The following EIF2B3 variants were observed in gnomAD, a reference collection of about 807,000 sequenced individuals.
EIF2B3 encodes eukaryotic translation initiation factor 2B subunit gamma.
A neutral mutation model predicts 54.1 loss-of-function variants in EIF2B3; 20 were observed. The ratio of observed to expected loss-of-function variants is 0.37; its 90% CI spans 0.26 to 0.54. EIF2B3 has a LOEUF of 0.54. Ranked by LOEUF, EIF2B3 falls within the 20% of genes least tolerant of loss-of-function variation. The pLI is 0.86. For missense variants in EIF2B3, 448 were observed against 547.8 expected (o/e 0.82, Z 1.82); for synonymous variants, 153 against 188.1 (o/e 0.81, Z 1.52).
chr1:44,903,486 C>T (rs1643353246), intron 5 of EIF2B3, among the ~76,000 whole-genome samples: 1 of 152,204 alleles, frequency 6.6e-6, no homozygotes, highest in Non-Finnish European at 1.5e-5. Context: ...TTATCCTGCT[C>T]ACTGCCTAAG....
chr1:44,857,901 G>T, intron 10 of EIF2B3, 94 bp from the exon 11 acceptor site: 1 of 1,185,360 alleles, frequency 8.4e-7, no homozygotes, highest in Non-Finnish European at 1.3e-6. Context: ...CCTAGGCCAG[G>T]AACAGCTGGG....
intron 3 of EIF2B3, among the ~76,000 whole-genome samples, chr1:44,974,929 A>G (rs959835575): frequency 6.6e-6 from 1 of 151,986 alleles, no homozygotes; most frequent in East Asian, 1.9e-4. Flanking sequence ...AAATTTCTAC[A>G]TTGGGCTGGG....
At chr1:44,978,109 T>C (rs970526929) in intron 3 of EIF2B3, among the ~76,000 whole-genome samples, 1 of 152,122 alleles carries the variant, frequency 6.6e-6, no homozygotes, top group African/African-American at 2.4e-5. Context: ...CGTATGCCTG[T>C]AATCCCAGCT....
intron 3 of EIF2B3, among the ~76,000 whole-genome samples, chr1:44,944,704 T>C (rs1405558886): frequency 6.6e-6 from 1 of 152,140 alleles, no homozygotes; most frequent in Non-Finnish European, 1.5e-5. Context: ...CATGCACTTA[T>C]AGTCCCAGCT....
chr1:44,977,827 A>G (rs1482191748), intron 3 of EIF2B3, among the ~76,000 whole-genome samples: 1 of 152,214 alleles, frequency 6.6e-6, no homozygotes, highest in Non-Finnish European at 1.5e-5. Flanking sequence ...GAAACCAGTG[A>G]CTATGACAAA....
intron 5 of EIF2B3, among the ~76,000 whole-genome samples, chr1:44,914,656 C>CTCCTTCCTTCCT (rs563577428): frequency 6.6e-6 from 1 of 151,698 alleles, no homozygotes; most frequent in African/African-American, 2.4e-5. Context: ...TTAAAAAATT[C>CTCCTTCCTTCCT]TCCTTCCTTC....
intron 2 of EIF2B3, among the ~76,000 whole-genome samples, chr1:44,979,474 C>CAAA (rs34452633): frequency 8.2e-4 from 46 of 55,952 alleles, no homozygotes; most frequent in African/African-American, 2.5e-3. Flanking sequence ...CTGTCTCTGC[C>CAAA]AAAAAAAAAA....
chr1:44,934,819 A>C (rs1557692925), intron 4 of EIF2B3, among the ~76,000 whole-genome samples: 1 of 152,134 alleles, frequency 6.6e-6, no homozygotes, highest in Non-Finnish European at 1.5e-5. Flanking sequence ...TATTTTTTAA[A>C]ATGGGGTGGG....
At chr1:44,922,835 G>GTTT (rs1188137639) in intron 5 of EIF2B3, among the ~76,000 whole-genome samples, 5 of 72,854 alleles carry the variant, frequency 6.9e-5, no homozygotes, top group East Asian at 7.4e-4. Flanking sequence ...TTCTTTTTCA[G>GTTT]ATTTTTTTTT....
chr1:44,962,204 A>ACATAAT (rs1644292379), intron 3 of EIF2B3, among the ~76,000 whole-genome samples: 1 of 146,334 alleles, frequency 6.8e-6, no homozygotes, highest in Non-Finnish European at 1.5e-5. Flanking sequence ...ATCATCATCA[A>ACATAAT]CATCATCATC....
chr1:44,975,676 G>C (rs1007450058), intron 3 of EIF2B3, among the ~76,000 whole-genome samples: 3 of 152,136 alleles, frequency 2.0e-5, no homozygotes, highest in African/African-American at 7.2e-5. Flanking sequence ...TCAATATTAA[G>C]ATGTCAAATC....
intron 4 of EIF2B3, among the ~76,000 whole-genome samples, chr1:44,934,194 A>C (rs1643922242): frequency 6.6e-6 from 1 of 152,000 alleles, no homozygotes; most frequent in Non-Finnish European, 1.5e-5. Context: ...TAAGGAGTTC[A>C]AGACCAGCCT....
chr1:44,883,759 C>T (rs1006180581), intron 6 of EIF2B3, among the ~76,000 whole-genome samples: 17 of 152,302 alleles, frequency 1.1e-4, no homozygotes, highest in Non-Finnish European at 1.0e-4. Context: ...CTTGATAAAT[C>T]GTCTCTATCT....
At chr1:44,965,025 CA>C (rs958351144) in intron 3 of EIF2B3, among the ~76,000 whole-genome samples, 1 of 152,170 alleles carries the variant, frequency 6.6e-6, no homozygotes, top group African/African-American at 2.4e-5. Context: ...GATCCATATC[CA>C]AGGAGTCAGC....
chr1:44,891,698 A>G (rs1393416728), intron 6 of EIF2B3, among the ~76,000 whole-genome samples: 1 of 152,170 alleles, frequency 6.6e-6, no homozygotes, highest in Non-Finnish European at 1.5e-5. Context: ...TCAAGTCATA[A>G]CACCCTTCTC....
Position 44,900,953 on chromosome 1 carries a change from T to C in EIF2B3, c.567-3509A>G, listed in dbSNP as rs186771081. Among the ~76,000 whole-genome samples the C allele has an allele frequency of 2.0e-3, 302 of 152,236 alleles. 1 individual carries two copies. The highest frequency in any genetic ancestry group is 6.9e-3 in the African/African-American group (286 of 41,522). ...TTGAGTTGGAAGAGTTCTTATCTTT[T>C]CATTTCCTTATTTTCTTTCTTTTCT... is the stretch of plus-strand genomic sequence containing the variant. On this transcript the variant is annotated intron_variant, in intron 5 of 11. Transcript: ENST00000360403.
intron 8 of EIF2B3, among the ~76,000 whole-genome samples, chr1:44,878,357 G>A (rs1188983204): frequency 6.6e-6 from 1 of 152,086 alleles, no homozygotes; most frequent in Admixed American, 6.6e-5. Flanking sequence ...CCACCTATCA[G>A]GTTCAAGCAA....
chr1:44,850,737 A>G lies in EIF2B3; in HGVS notation c.*214T>C, dbSNP rs1654244381. On this transcript the variant is annotated 3_prime_UTR_variant, in exon 12 of 12. Transcript: ENST00000360403. ...CCACTGTATCTGTCCTGTCCCACAC[A>G]CTTGCTCCAGATGATCTTTACCACA... is the stretch of plus-strand genomic sequence containing the variant. 1.7e-6 allele frequency: 1 copy of G among 605,624 alleles called. No homozygotes were observed. Among genetic ancestry groups the G allele is most frequent in the Non-Finnish European group, 2.9e-6 (1 of 341,192 alleles). The allele number at this position is 605,624 out of a possible 1,614,324, so 37.5% of individuals were successfully genotyped here. A position where few individuals can be genotyped will look rare whatever the true frequency, so the allele number is the denominator to read the frequency against.
In EIF2B3 at chr1:44,875,619, A is replaced by C. The variant is rs1238242521; in HGVS notation, c.1052T>G (p.Leu351Arg). 6.2e-7 allele frequency: 1 copy of C among 1,613,952 alleles called. No homozygotes were observed. The highest frequency in any genetic ancestry group is 8.5e-7 in the Non-Finnish European group (1 of 1,179,958). The change falls in exon 9 of 12, where the codon CTG becomes CGG. Residue 351 changes from leucine to arginine, a missense_variant and splice_region_variant. Physicochemically the swap from Leu to Arg is moderately radical, Grantham distance 102. Around this residue, in one of 3 missense-constraint regions of EIF2B3, gnomAD observed 350 missense variants for 414.2 expected, o/e 0.85. Transcript: ENST00000360403. ...HSSAQIVSKHLVGVDSLIGPE... is the reference protein window; with the variant it reads ...HSSAQIVSKHRVGVDSLIGPE... ...CGTCCTGGCCACACTAGCACTTACC[A>C]GGTGTTTGCTGACAATCTGGGCTGA...
Sources: allele counts gnomAD v4.1 joint callset (sites outside exome capture counted in the v4.1 genomes callset), GRCh38; gene constraint gnomAD v4.1.1; regional missense constraint gnomAD v4.1.1; transcripts MANE v1.5; gene names NCBI Gene and HGNC (gene_info 2026-07-23, HGNC 2026-07-21).